Variants in RNF139 observed in about 807,000 individuals in gnomAD.
RNF139 encodes E3 ubiquitin-protein ligase RNF139.
Under a neutral mutation model 49.5 loss-of-function variants are expected in RNF139, and 15 were observed. That is an observed-to-expected ratio of 0.30 (90% CI 0.20 to 0.47). RNF139 has a LOEUF of 0.47. Ranked by LOEUF, RNF139 falls within the 20% of genes least tolerant of loss-of-function variation. The pLI is 1.00. For missense variants in RNF139, 619 were observed against 806.3 expected (o/e 0.77, Z 2.81); for synonymous variants, 325 against 300.9 (o/e 1.08, Z -0.83).
chr8:124,486,402 A>G lies in RNF139; in HGVS notation c.753A>G (p.Thr251=). 6.2e-7 allele frequency: 1 copy of G among 1,614,192 alleles called. No homozygotes were observed. Among genetic ancestry groups the G allele is most frequent in the Non-Finnish European group, 8.5e-7 (1 of 1,180,018 alleles). The change falls in exon 2 of 2, where the codon ACA becomes ACG. Residue 251 remains threonine (T), a synonymous_variant. Coordinates refer to ENST00000303545, the MANE Select transcript of RNF139 (RefSeq NM_007218.4). ...FWLTRVTAQA[T]VLMYILRMAN... The stretch of plus-strand genomic sequence containing the variant: ...TAACAAGAGTTACAGCTCAGGCTAC[A>G]GTGTTAATGTACATCTTAAGGATGG...
In RNF139 at chr8:124,487,475, C is replaced by T. The variant is rs1394462324; in HGVS notation, c.1826C>T (p.Pro609Leu). 1.2e-6 allele frequency: 2 copies of T among 1,613,856 alleles called. No individual in the cohort carries two copies. Among genetic ancestry groups the T allele is most frequent in the Non-Finnish European group, 1.7e-6 (2 of 1,179,972 alleles). The part of the protein sequence containing the change: ...SNVSNNNGFI[P>L]PNETPEEAVR... ...GTATCTAACAACAATGGATTTATTC[C>T]ACCCAATGAAACTCCAGAGGAAGCT... Residue 609 changes from proline (P) to leucine (L), a missense_variant, in exon 2 of 2, where the codon CCA becomes CTA. Coordinates refer to ENST00000303545, the MANE Select transcript of RNF139 (RefSeq NM_007218.4).
chr8:124,486,444 C>A lies in RNF139; in HGVS notation c.795C>A (p.Ser265=), dbSNP rs781107757. The A allele has an allele frequency of 6.2e-7, 1 of 1,613,734 alleles. No homozygotes were observed. Among genetic ancestry groups the A allele is most frequent in the Non-Finnish European group, 8.5e-7 (1 of 1,179,978 alleles). The part of the protein sequence containing the change: ...YILRMANETD[S]FFISWDDFWD... ...TAAGGATGGCAAATGAAACTGATTC[C>A]TTCTTTATTTCTTGGGATGATTTTT... The change falls in exon 2 of 2, where the codon TCC becomes TCA. Residue 265 remains serine (S), a synonymous_variant. Coordinates refer to ENST00000303545, the MANE Select transcript of RNF139 (RefSeq NM_007218.4).
intron 1 of RNF139, among the ~76,000 whole-genome samples, chr8:124,478,724 T>C (rs895061992): frequency 4.0e-5 from 5 of 123,632 alleles, no homozygotes; most frequent in African/African-American, 1.2e-4. Context: ...TTTGGAAGAC[T>C]TTTTTTTTTT....
chr8:124,487,315 A>G lies in RNF139; in HGVS notation c.1666A>G (p.Thr556Ala). 1 of 1,614,106 alleles carries G rather than the reference A, an allele frequency of 6.2e-7. No individual in the cohort carries two copies. The highest frequency in any genetic ancestry group is 8.5e-7 in the Non-Finnish European group (1 of 1,179,992). ...TGCAATCTGCTATCATGAGTTTACA[A>G]CATCTGCTCGTATTACACCGTGTAA... ...VCAICYHEFT[T>A]SARITPCNHY... Residue 556 changes from threonine to alanine, a missense_variant, in exon 2 of 2, where the codon ACA becomes GCA. Thr to Ala is a moderately conservative substitution (Grantham distance 58). Coordinates refer to ENST00000303545, the MANE Select transcript of RNF139 (RefSeq NM_007218.4).
chr8:124,483,312 C>T (rs970912061), intron 1 of RNF139: 51 of 150,572 alleles, frequency 3.4e-4, no homozygotes, highest in African/African-American at 1.3e-3. Flanking sequence ...ACAGAGTCAT[C>T]ACTTAAATGA....
Position 124,486,136 on chromosome 8 carries a change from G to A in RNF139, c.487G>A (p.Val163Ile), listed in dbSNP as rs1463478213. 2 of 1,614,168 alleles carry A rather than the reference G, an allele frequency of 1.2e-6. No homozygotes were observed. The highest frequency in any genetic ancestry group is 2.2e-5 in the East Asian group (1 of 44,890). Residue 163 changes from valine (V) to isoleucine (I), a missense_variant, in exon 2 of 2, where the codon GTA (valine) becomes ATA (isoleucine). Coordinates refer to ENST00000303545, the MANE Select transcript of RNF139 (RefSeq NM_007218.4). ...QLIILDLLVP[V>I]IGLITELPLH... is the part of the protein sequence containing the mutation. Reference sequence around the variant, plus strand: ...AATTATTTTGGATCTCTTGGTTCCTGTAATAGGCTTAATCACAGAGCTACC... The same window carrying A: ...AATTATTTTGGATCTCTTGGTTCCTATAATAGGCTTAATCACAGAGCTACC...
rs1421981587 is a variant in RNF139, at chr8:124,488,378, T to C, written c.*734T>C. ...TTTTGAAGATATTACAAAACAAAAATAGTTTTTTTTAAATTGTTTTAAACT... is the reference window on the plus strand; with the variant it reads ...TTTTGAAGATATTACAAAACAAAAACAGTTTTTTTTAAATTGTTTTAAACT... On this transcript the variant is annotated 3_prime_UTR_variant, in exon 2 of 2. Coordinates refer to ENST00000303545, the MANE Select transcript of RNF139 (RefSeq NM_007218.4). 2 of 346,184 alleles carry C rather than the reference T, an allele frequency of 5.8e-6. No individual in the cohort carries two copies. The highest frequency in any genetic ancestry group is 1.1e-5 in the Non-Finnish European group (2 of 188,382). 21.4% of individuals were successfully genotyped at this position (346,184 alleles called of 1,614,324 possible). A position where few individuals can be genotyped will look rare whatever the true frequency, so the allele number is the denominator to read the frequency against.
Position 124,488,133 on chromosome 8 carries a change from C to T in RNF139, c.*489C>T, listed in dbSNP as rs1395869510. Among the ~76,000 whole-genome samples the T allele has an allele frequency of 6.6e-6, 1 of 152,140 alleles. No individual in the cohort carries two copies. The highest frequency in any genetic ancestry group is 1.5e-5 in the Non-Finnish European group (1 of 68,038). On this transcript the variant is annotated 3_prime_UTR_variant, in exon 2 of 2. Transcript: ENST00000303545. ...ATTTTAAAACTAAAGAAAAAATTAGCTGCCAGAAGCAACTGAGGACCTTTT... is the reference window on the plus strand; with the variant it reads ...ATTTTAAAACTAAAGAAAAAATTAGTTGCCAGAAGCAACTGAGGACCTTTT...
chr8:124,483,525 C>G (rs1205893728), intron 1 of RNF139: 1 of 152,006 alleles, frequency 6.6e-6, no homozygotes, highest in Non-Finnish European at 1.5e-5. Flanking sequence ...TGCAATGCCT[C>G]CCGGGTTCAA....
rs1324378900 is a variant in RNF139 at position 124,488,613 on chromosome 8, AC to A, written c.*970del. 3.2e-6 allele frequency: 5 copies of A among 1,561,196 alleles called. No individual in the cohort carries two copies. Among genetic ancestry groups the A allele is most frequent in the Non-Finnish European group, 4.4e-6 (5 of 1,137,816 alleles). On this transcript the variant is annotated 3_prime_UTR_variant, in exon 2 of 2. Coordinates refer to ENST00000303545, the MANE Select transcript of RNF139 (RefSeq NM_007218.4). ...TACCAATTATATTCCAGGAAAAAAT[AC>A]TTTAATAGTATTGTTATATAGTGTA...
rs376653760 is a variant in RNF139 at position 124,476,307 on chromosome 8, C to T, written c.181+1017C>T. 1.6e-4 allele frequency among the ~76,000 whole-genome samples: 25 copies of T among 152,270 alleles called. No homozygotes were observed. The East Asian group carries it at 4.4e-3, about 27-fold the overall frequency. Reference sequence around the variant, plus strand: ...ACATTTATCTGGTATTTTCCTTTTGCAAAGCATTTTCACTGGTAGGTATTA... The same window carrying T: ...ACATTTATCTGGTATTTTCCTTTTGTAAAGCATTTTCACTGGTAGGTATTA... On this transcript the variant is annotated intron_variant, in intron 1 of 1. Transcript: ENST00000303545.
At chr8:124,483,080 A>AAT (rs372952270) in intron 1 of RNF139, among the ~76,000 whole-genome samples, 2 of 902 alleles carry the variant, frequency 2.2e-3, no homozygotes, top group African/African-American at 5.7e-3. Flanking sequence ...ATATTATTTA[A>AAT]ATATATATAT....
At position 124,483,002 on chromosome 8, in the gene RNF139, A is replaced by C. The variant is rs1221134814; in HGVS notation, c.182-2829A>C. Among the ~76,000 whole-genome samples the C allele has an allele frequency of 2.6e-4, 25 of 95,150 alleles. 1 individual carries two copies. The highest frequency in any genetic ancestry group is 8.4e-4 in the Admixed American group (6 of 7,170). 62.4% of individuals were successfully genotyped at this position (95,150 alleles called of 152,430 possible). On this transcript the variant is annotated intron_variant, in intron 1 of 1. Coordinates refer to ENST00000303545, the MANE Select transcript of RNF139 (RefSeq NM_007218.4). The stretch of plus-strand genomic sequence containing the variant: ...AATATATATATATTTAAAAATATAT[A>C]TATTAAAAATATATATATATATTTA...
At chr8:124,480,121 G>A (rs2131299589) in intron 1 of RNF139, among the ~76,000 whole-genome samples, 1 of 150,568 alleles carries the variant, frequency 6.6e-6, no homozygotes, top group East Asian at 2.0e-4. Context: ...CTGGGTGACA[G>A]AGCAAGACCC....
At chr8:124,483,108 TTAAA>T (rs1816474773) in intron 1 of RNF139, among the ~76,000 whole-genome samples, 9 of 78 alleles carry the variant, frequency 0.12, 3 homozygotes, top group South Asian at 0.33. Flanking sequence ...AATATATATA[TTAAA>T]AATATATATA....
chr8:124,486,352 C>T lies in RNF139; in HGVS notation c.703C>T (p.Pro235Ser). The change falls in exon 2 of 2, where the codon CCA becomes TCA. Residue 235 changes from proline to serine, a missense_variant. This residue lies in a region of RNF139 where 530 missense variants were observed against 728.9 expected (regional missense o/e 0.73). Transcript: ENST00000303545. ...MEDTWKRIRF[P>S]DILRVFWLTR... ...GGACACATGGAAGAGGATTCGTTTC[C>T]CAGACATACTACGAGTCTTTTGGCT... is the stretch of plus-strand genomic sequence containing the variant. 6.2e-7 allele frequency: 1 copy of T among 1,614,158 alleles called. No individual in the cohort carries two copies. Among genetic ancestry groups the T allele is most frequent in the Non-Finnish European group, 8.5e-7 (1 of 1,180,002 alleles).
Position 124,486,782 on chromosome 8 carries a change from TCA to T in RNF139, c.1134_1135del (p.Ser379CysfsTer9). On this transcript the variant is annotated frameshift_variant, in exon 2 of 2. Coordinates refer to ENST00000303545, the MANE Select transcript of RNF139 (RefSeq NM_007218.4). LOFTEE classifies it high-confidence loss of function. ...ATGACAGACCCTGTATTAATGTCTC[TCA>T]GTGCCTCTCATGTGTCATCTTTTCG... The T allele has an allele frequency of 6.2e-7, 1 of 1,613,982 alleles. No individual in the cohort carries two copies. The highest frequency in any genetic ancestry group is 8.5e-7 in the Non-Finnish European group (1 of 1,180,000).
intron 1 of RNF139, among the ~76,000 whole-genome samples, chr8:124,482,318 T>C (rs1178095769): frequency 6.6e-6 from 1 of 152,174 alleles, no homozygotes; most frequent in African/African-American, 2.4e-5. Flanking sequence ...ATTTTAAAAA[T>C]TAGTTATAAA....
At position 124,487,303 on chromosome 8, in the gene RNF139, C is replaced by A. The variant is rs1241923135; in HGVS notation, c.1654C>A (p.His552Asn). 2 of 1,613,960 alleles carry A rather than the reference C, an allele frequency of 1.2e-6. No individual in the cohort carries two copies. The highest frequency in any genetic ancestry group is 1.3e-5 in the African/African-American group (1 of 74,938). The change falls in exon 2 of 2, where the codon CAT becomes AAT. Residue 552 changes from histidine to asparagine, a missense_variant. By Grantham distance (68) the His-to-Asn change is moderately conservative. Around this residue, in one of 2 missense-constraint regions of RNF139, gnomAD observed 530 missense variants for 728.9 expected, o/e 0.73. Coordinates refer to ENST00000303545, the MANE Select transcript of RNF139 (RefSeq NM_007218.4). ...EINDVCAICY[H>N]EFTTSARITP... The stretch of plus-strand genomic sequence containing the variant: ...AAATGATGTATGTGCAATCTGCTAT[C>A]ATGAGTTTACAACATCTGCTCGTAT...
Sources: gnomAD v4.1 joint callset for allele counts (sites outside exome capture counted in the v4.1 genomes callset) on GRCh38, gnomAD v4.1.1 for gene constraint, gnomAD v4.1.1 regional missense constraint, MANE v1.5 for transcripts, NCBI Gene and HGNC (gene_info 2026-07-23, HGNC 2026-07-21) for gene names.